ARHGEF11: variants seen among roughly 807,000 people sequenced by gnomAD.
ARHGEF11 encodes the protein Rho guanine nucleotide exchange factor 11, also known as Rho guanine exchange factor (GEF) 11.
In ARHGEF11, 55 loss-of-function variants were observed where a neutral mutation model predicts 193.7. That is an observed-to-expected ratio of 0.28 (90% CI 0.23 to 0.36). The LOEUF is 0.36. Ranked by LOEUF, ARHGEF11 falls within the 10% of genes least tolerant of loss-of-function variation. The pLI is 1.00. For synonymous variants in ARHGEF11, 693 were observed against 768.0 expected, an observed-to-expected ratio of 0.90 and a Z score of 1.62; for missense variants, 1,723 against 2,005.6, an observed-to-expected ratio of 0.86 and a Z score of 2.69.
chr1:156,955,921 G>T (rs1571231223), intron 19 of ARHGEF11, 122 bp from the exon 20 acceptor site: 3 of 771,820 alleles, frequency 3.9e-6, no homozygotes, highest in East Asian at 2.5e-5. Context: ...GCTGACTCTT[G>T]CTGGTACCCT....
intron 28 of ARHGEF11, 58 bp downstream of exon 28, chr1:156,946,604 A>G: frequency 1.2e-6 from 2 of 1,611,452 alleles, no homozygotes; most frequent in East Asian, 2.2e-5. Flanking sequence ...GAAGTTCAGG[A>G]GATCCTTGGT....
chr1:157,026,034 T>C (rs1670593155), intron 1 of ARHGEF11, among the ~76,000 whole-genome samples: 1 of 152,232 alleles, frequency 6.6e-6, no homozygotes, highest in Non-Finnish European at 1.5e-5. Flanking sequence ...AACAGCACCC[T>C]AACTACATTC....
chr1:156,937,979 G>A (rs1250013033), intron 38 of ARHGEF11, among the ~76,000 whole-genome samples: 1 of 152,228 alleles, frequency 6.6e-6, no homozygotes, highest in Non-Finnish European at 1.5e-5. Context: ...GAGAGCTGGA[G>A]GAAGGACGTG....
At chr1:156,963,840 A>C in intron 11 of ARHGEF11, 6 of 1,200,184 alleles carry the variant, frequency 5.0e-6, no homozygotes, top group Non-Finnish European at 6.5e-6. Flanking sequence ...ACATATGAAG[A>C]TGGGAAGTAG....
intron 27 of ARHGEF11, 42 bp downstream of exon 27, chr1:156,946,894 C>G (rs778499258): frequency 6.2e-7 from 1 of 1,613,586 alleles, no homozygotes. Context: ...CCTGCCTCCC[C>G]CAATCTCCTC....
intron 1 of ARHGEF11, among the ~76,000 whole-genome samples, chr1:157,030,232 A>C (rs1305099314): frequency 6.6e-6 from 1 of 152,208 alleles, no homozygotes; most frequent in Non-Finnish European, 1.5e-5. Context: ...ACACAGTCCC[A>C]GGCACCATAG....
chr1:156,957,812 G>C lies in ARHGEF11; in HGVS notation c.1506C>G (p.Ser502=). 1 of 1,614,082 alleles carries C rather than the reference G, an allele frequency of 6.2e-7. No individual in the cohort carries two copies. The highest frequency in any genetic ancestry group is 1.1e-5 in the South Asian group (1 of 91,080). ...KQLAALGDIL[S]KYEEDRSAPM... is the part of the protein sequence containing the mutation. ...CTTACCTCCTGTCTTCCTCATACTT[G>C]GACCTGGAATGGAAGAAAGAACAGA... The change falls in exon 18 of 41, where the codon TCC becomes TCG. Residue 502 remains serine (S), a synonymous_variant. Transcript: ENST00000368194.
rs1013437557 is a variant in ARHGEF11, at chr1:156,936,070, G to C, written c.4631-12C>G. On this transcript the variant is annotated splice_polypyrimidine_tract_variant and intron_variant, in intron 40 of 40. Coordinates refer to ENST00000368194, the MANE Select transcript of ARHGEF11 (RefSeq NM_198236.3). The stretch of plus-strand genomic sequence containing the variant: ...GGGGGCGTCAGAGCCTGTGGGAGGA[G>C]GATGAAGGTGAGGAACTGGCCAGCC... The C allele has an allele frequency of 9.9e-6, 16 of 1,613,922 alleles. No individual in the cohort carries two copies. In the African/African-American group the frequency reaches 1.5e-4, roughly 15 times the overall value.
intron 1 of ARHGEF11, among the ~76,000 whole-genome samples, chr1:157,041,685 T>C (rs1409775731): frequency 4.6e-5 from 7 of 152,214 alleles, no homozygotes; most frequent in Non-Finnish European, 1.0e-4. Context: ...CTAACATTCA[T>C]TTGTCAAACA....
chr1:156,979,452 C>T (rs1663798261), intron 4 of ARHGEF11, among the ~76,000 whole-genome samples, 166 bp from the exon 5 acceptor site: 1 of 150,958 alleles, frequency 6.6e-6, no homozygotes, highest in Non-Finnish European at 1.5e-5. Flanking sequence ...GCAAGCTCCA[C>T]CTCCTGGGTT....
At chr1:156,936,526 A>ATATATATATATATATATAT (rs1655356160) in intron 40 of ARHGEF11, among the ~76,000 whole-genome samples, 1 of 132,378 alleles carries the variant, frequency 7.6e-6, no homozygotes, top group African/African-American at 2.9e-5. Context: ...ATATATATAT[A>ATATATATATATATATATAT]AAATTAAAAA....
chr1:156,965,379 G>A (rs758522201), intron 11 of ARHGEF11, among the ~76,000 whole-genome samples: 5 of 152,198 alleles, frequency 3.3e-5, no homozygotes, highest in African/African-American at 9.7e-5. Context: ...AAAGAGCTCC[G>A]TGTTGGGGAC....
At chr1:156,962,736 G>A (rs774445988) in intron 13 of ARHGEF11, among the ~76,000 whole-genome samples, 4 of 151,858 alleles carry the variant, frequency 2.6e-5, no homozygotes, top group Admixed American at 2.0e-4. Flanking sequence ...AAAATTAGCC[G>A]GGCATGGTGA....
intron 1 of ARHGEF11, among the ~76,000 whole-genome samples, chr1:157,013,379 T>C (rs994965118): frequency 2.0e-5 from 3 of 151,834 alleles, no homozygotes. Flanking sequence ...AGCACAGCCA[T>C]GTCTCACCAT....
intron 22 of ARHGEF11, among the ~76,000 whole-genome samples, chr1:156,951,066 C>T (rs1659021328): frequency 6.6e-6 from 1 of 152,248 alleles, no homozygotes; most frequent in African/African-American, 2.4e-5. Context: ...CTTTGCCTCT[C>T]TTTGCTGAGG....
In ARHGEF11 at chr1:156,969,366, G is replaced by C; in HGVS notation, c.749-8C>G. 1 of 1,601,242 alleles carries C rather than the reference G, an allele frequency of 6.2e-7. No individual in the cohort carries two copies. The highest frequency in any genetic ancestry group is 8.5e-7 in the Non-Finnish European group (1 of 1,173,024). On this transcript the variant is annotated splice_polypyrimidine_tract_variant and splice_region_variant and intron_variant, in intron 9 of 40. Transcript: ENST00000368194. The stretch of plus-strand genomic sequence containing the variant: ...AATCCAGAGAGAGCCGGCCTGAGAA[G>C]AAAATAGTTTCTATAACACAGAAGG...
At chr1:156,977,429 T>C (rs1193431456) in intron 6 of ARHGEF11, among the ~76,000 whole-genome samples, 3 of 152,298 alleles carry the variant, frequency 2.0e-5, no homozygotes, top group Non-Finnish European at 4.4e-5. Flanking sequence ...TGTTTTTTCT[T>C]TGAGATGGGG....
intron 1 of ARHGEF11, among the ~76,000 whole-genome samples, chr1:156,995,643 C>T (rs1242771558): frequency 6.6e-6 from 1 of 150,574 alleles, no homozygotes; most frequent in Admixed American, 6.6e-5. Flanking sequence ...GCAGCCTCGA[C>T]TTCCTGGGTT....
chr1:157,006,137 ATT>A (rs955931318), intron 1 of ARHGEF11, among the ~76,000 whole-genome samples: 31 of 146,842 alleles, frequency 2.1e-4, no homozygotes, highest in African/African-American at 7.0e-4. Flanking sequence ...TCACAAATCT[ATT>A]TTTTTTTTTG....
Sources: gnomAD v4.1 joint callset for allele counts (sites outside exome capture counted in the v4.1 genomes callset) on GRCh38, gnomAD v4.1.1 for gene constraint, MANE v1.5 for transcripts, NCBI Gene and HGNC (gene_info 2026-07-23, HGNC 2026-07-21) for gene names.